The following SLC41A2 variants were observed in gnomAD, a reference collection of about 807,000 sequenced individuals.
SLC41A2 encodes SLC41A1-like 1.
SLC41A2 carries 32 observed loss-of-function variants against 58.3 expected under a neutral mutation model. The ratio of observed to expected loss-of-function variants is 0.55; its 90% confidence interval spans 0.41 to 0.74. The LOEUF is 0.74. Among genes scored for constraint, SLC41A2 ranks in the 30% least tolerant of loss-of-function variants. The probability of loss-of-function intolerance (pLI) is 0.00; values close to 1 mark genes in which losing one functional copy is unlikely to be tolerated. For missense variants in SLC41A2, 514 were observed against 680.6 expected (o/e 0.76, Z 2.72); for synonymous variants, 190 against 235.0 (o/e 0.81, Z 1.75).
intron 1 of SLC41A2, among the ~76,000 whole-genome samples, chr12:104,957,691 T>C (rs556900738): frequency 6.6e-6 from 1 of 152,308 alleles, no homozygotes; most frequent in East Asian, 1.9e-4. Flanking sequence ...AAGAAAAGGG[T>C]GACGGGGCAC....
intron 10 of SLC41A2, among the ~76,000 whole-genome samples, chr12:104,827,589 C>A (rs1405820937): frequency 1.3e-5 from 2 of 152,186 alleles, no homozygotes; most frequent in Non-Finnish European, 2.9e-5. Flanking sequence ...GCACTAAATT[C>A]TTTCCTTGTA....
At chr12:104,916,118 GC>G (rs1484185593) in intron 2 of SLC41A2, among the ~76,000 whole-genome samples, 1 of 152,156 alleles carries the variant, frequency 6.6e-6, no homozygotes, top group Non-Finnish European at 1.5e-5. Context: ...CAGGGATGAA[GC>G]CCACTTGATC....
chr12:104,912,066 C>G (rs2046111575), intron 2 of SLC41A2, among the ~76,000 whole-genome samples: 1 of 152,206 alleles, frequency 6.6e-6, no homozygotes, highest in Non-Finnish European at 1.5e-5. Flanking sequence ...ACTTAATCTT[C>G]ACAACAAACC....
intron 1 of SLC41A2, among the ~76,000 whole-genome samples, chr12:104,952,915 T>A (rs552900612): frequency 6.6e-6 from 1 of 152,206 alleles, no homozygotes; most frequent in Non-Finnish European, 1.5e-5. Flanking sequence ...CTCTTTAACA[T>A]CCATGTCCCT....
chr12:104,932,693 T>C (rs1327891079), intron 1 of SLC41A2, among the ~76,000 whole-genome samples: 1 of 142,120 alleles, frequency 7.0e-6, no homozygotes, highest in Non-Finnish European at 1.5e-5. Context: ...AGTAGATATA[T>C]AGACCAAAGG....
At chr12:104,835,999 C>T (rs1478773060) in intron 10 of SLC41A2, among the ~76,000 whole-genome samples, 1 of 152,160 alleles carries the variant, frequency 6.6e-6, no homozygotes, top group Admixed American at 6.5e-5. Context: ...CACAAGCCAC[C>T]ATGCCCAGCT....
intron 6 of SLC41A2, among the ~76,000 whole-genome samples, chr12:104,876,938 T>G (rs1220101876): frequency 2.6e-5 from 4 of 152,216 alleles, no homozygotes; most frequent in Non-Finnish European, 5.9e-5. Context: ...TGTTAACAAT[T>G]GATCATATAT....
chr12:104,927,206 A>C (rs1398252437), intron 2 of SLC41A2, among the ~76,000 whole-genome samples: 1 of 152,218 alleles, frequency 6.6e-6, no homozygotes, highest in East Asian at 1.9e-4. Flanking sequence ...CATAGATATT[A>C]ATTCATACCC....
At chr12:104,903,878 C>T (rs2045679356) in intron 3 of SLC41A2, among the ~76,000 whole-genome samples, 1 of 152,144 alleles carries the variant, frequency 6.6e-6, no homozygotes, top group South Asian at 2.1e-4. Flanking sequence ...CAAGCTTCTC[C>T]CCTGTGCTGG....
intron 2 of SLC41A2, among the ~76,000 whole-genome samples, chr12:104,925,577 T>A (rs377433394): frequency 1.4e-5 from 2 of 140,380 alleles, no homozygotes; most frequent in South Asian, 2.2e-4. Flanking sequence ...AAAAAAAAAA[T>A]TTATATTACG....
At chr12:104,871,888 G>GAA (rs1159609543) in intron 6 of SLC41A2, among the ~76,000 whole-genome samples, 1 of 152,164 alleles carries the variant, frequency 6.6e-6, no homozygotes, top group Non-Finnish European at 1.5e-5. Flanking sequence ...AACATTTATA[G>GAA]AAAAAGCTAT....
chr12:104,816,564 AAAGC>A (rs1436949763), intron 10 of SLC41A2, among the ~76,000 whole-genome samples: 1 of 152,190 alleles, frequency 6.6e-6, no homozygotes, highest in African/African-American at 2.4e-5. Flanking sequence ...ACAGGAGACA[AAAGC>A]AAGGCCTGTC....
intron 7 of SLC41A2, among the ~76,000 whole-genome samples, chr12:104,862,132 A>G (rs892727295): frequency 2.0e-5 from 3 of 152,212 alleles, no homozygotes; most frequent in Non-Finnish European, 2.9e-5. Context: ...TTCCAGGAAA[A>G]TGCCATCCAC....
chr12:104,902,375 G>C (rs2045607940), intron 3 of SLC41A2, among the ~76,000 whole-genome samples: 1 of 152,150 alleles, frequency 6.6e-6, no homozygotes, highest in Non-Finnish European at 1.5e-5. Flanking sequence ...AGTGAAGAGG[G>C]ACAAGGTGAT....
At chr12:104,895,808 C>T (rs1193891073) in intron 3 of SLC41A2, among the ~76,000 whole-genome samples, 2 of 152,104 alleles carry the variant, frequency 1.3e-5, no homozygotes, top group Non-Finnish European at 2.9e-5. Context: ...ATATTTGAGT[C>T]ACGACTAAAA....
intron 7 of SLC41A2, 147 bp from the exon 8 acceptor site, chr12:104,861,517 A>G (rs2043210829): frequency 1.7e-6 from 1 of 575,896 alleles, no homozygotes; most frequent in South Asian, 3.0e-5. Flanking sequence ...CAAAGTAAAA[A>G]TCAATGTCAA....
chr12:104,954,371 G>A (rs916747577), intron 1 of SLC41A2, among the ~76,000 whole-genome samples: 1 of 152,208 alleles, frequency 6.6e-6, no homozygotes, highest in Non-Finnish European at 1.5e-5. Flanking sequence ...AGAAGAAAAA[G>A]TGTCCCTACC....
intron 2 of SLC41A2, among the ~76,000 whole-genome samples, chr12:104,924,496 G>C (rs1593152332): frequency 1.3e-5 from 2 of 152,332 alleles, no homozygotes; most frequent in East Asian, 3.9e-4. Context: ...TGTAATCCCA[G>C]CACTTTGGGA....
chr12:104,865,915 TTTG>T (rs771455171), intron 7 of SLC41A2, among the ~76,000 whole-genome samples: 5 of 152,186 alleles, frequency 3.3e-5, no homozygotes, highest in Non-Finnish European at 7.3e-5. Flanking sequence ...TCTATTTATT[TTTG>T]TTATTAAAAA....
Sources: gnomAD v4.1 joint callset for allele counts (sites outside exome capture counted in the v4.1 genomes callset) on GRCh38, gnomAD v4.1.1 for gene constraint, MANE v1.5 for transcripts, NCBI Gene and HGNC (gene_info 2026-07-23, HGNC 2026-07-21) for gene names.